The following BICDL1 variants were observed in gnomAD, a reference collection of about 807,000 sequenced individuals.
BICDL1 encodes the protein BICD family-like cargo adapter 1.
In BICDL1, 20 loss-of-function variants were observed where a neutral mutation model predicts 76.8. The observed-to-expected ratio is 0.26, with a 90% confidence interval of 0.18 to 0.38. The LOEUF (loss-of-function observed/expected upper bound fraction) is 0.38. Ranked by LOEUF, BICDL1 falls within the 10% of genes least tolerant of loss-of-function variation. The pLI, the probability that BICDL1 is intolerant of heterozygous loss-of-function variation, is 1.00. For missense variants in BICDL1, 700 were observed against 798.6 expected, an observed-to-expected ratio of 0.88 and a Z score of 1.49; for synonymous variants, 383 against 337.1, an observed-to-expected ratio of 1.14 and a Z score of -1.49.
At chr12:120,010,028 C>T (rs1190186613) in intron 2 of BICDL1, among the ~76,000 whole-genome samples, 1 of 152,154 alleles carries the variant, frequency 6.6e-6, no homozygotes, top group Non-Finnish European at 1.5e-5. Flanking sequence ...TGTAACACTC[C>T]AAAGAACCAT....
intron 1 of BICDL1, among the ~76,000 whole-genome samples, chr12:119,992,216 T>A (rs1350077954): frequency 6.6e-6 from 1 of 152,192 alleles, no homozygotes; most frequent in Non-Finnish European, 1.5e-5. Context: ...ACTAAGAGAG[T>A]ACCATTAGTT....
chr12:120,078,984 T>C (rs1299651823), intron 7 of BICDL1, among the ~76,000 whole-genome samples: 1 of 152,226 alleles, frequency 6.6e-6, no homozygotes, highest in Non-Finnish European at 1.5e-5. Flanking sequence ...AGGGGGAGGC[T>C]GGGCTCTGCC....
intron 2 of BICDL1, among the ~76,000 whole-genome samples, 196 bp downstream of exon 2, chr12:119,998,932 C>T (rs1256490147): frequency 6.6e-6 from 1 of 151,940 alleles, no homozygotes; most frequent in Non-Finnish European, 1.5e-5. Context: ...TGGCACCTGC[C>T]TGTGGTCCCA....
chr12:120,027,827 A>G (rs1486477912), intron 2 of BICDL1, among the ~76,000 whole-genome samples: 1 of 152,234 alleles, frequency 6.6e-6, no homozygotes, highest in Non-Finnish European at 1.5e-5. Flanking sequence ...GACAGAGGCT[A>G]ACATCACTTA....
In BICDL1 at chr12:120,074,565, G is replaced by C; in HGVS notation, c.1431G>C (p.Glu477Asp). The C allele has an allele frequency of 8.0e-7, 1 of 1,247,700 alleles. No homozygotes were observed. Among genetic ancestry groups the C allele is most frequent in the Non-Finnish European group, 1.0e-6 (1 of 967,640 alleles). 77.3% of individuals were successfully genotyped at this position (1,247,700 alleles called of 1,614,324 possible). A position where few individuals can be genotyped will look rare whatever the true frequency, so the allele number is the denominator to read the frequency against. ...ERGKLRQSLE[E>D]LQRLHSQVTL... ...GTAAACTGAGGCAAAGCCTAGAAGAGCTGCAGCGACTCCACAGTCAGGTGA... is the reference window on the plus strand; with the variant it reads ...GTAAACTGAGGCAAAGCCTAGAAGACCTGCAGCGACTCCACAGTCAGGTGA... The change falls in exon 7 of 10, where the codon GAG (glutamate) becomes GAC (aspartate). Residue 477 changes from glutamate (E) to aspartate (D), a missense_variant. Physicochemically the swap from Glu to Asp is conservative, Grantham distance 45. Coordinates refer to ENST00000548673, the MANE Select transcript of BICDL1 (RefSeq NM_001367886.1).
At position 120,089,390 on chromosome 12, in the gene BICDL1, G is replaced by GGT. The variant is rs943341665; in HGVS notation, c.1584-547_1584-546dup. On this transcript the variant is annotated intron_variant, in intron 8 of 9. Coordinates refer to ENST00000548673, the MANE Select transcript of BICDL1 (RefSeq NM_001367886.1). Reference sequence around the variant, plus strand: ...GCTCTTTCAACGTGTGTGTGTGTGTGGTGTGTGTGTGTGTGACGGAGTTCT... The same window carrying GGT: ...GCTCTTTCAACGTGTGTGTGTGTGTGGTGTGTGTGTGTGTGTGACGGAGTTCT... Among the ~76,000 whole-genome samples, 58 of 148,816 alleles carry GGT rather than the reference G, an allele frequency of 3.9e-4. 1 individual carries two copies. Among genetic ancestry groups the GGT allele is most frequent in the South Asian group, 1.1e-3 (5 of 4,722 alleles).
At chr12:120,048,587 A>G (rs1227471030) in intron 2 of BICDL1, among the ~76,000 whole-genome samples, 5 of 151,886 alleles carry the variant, frequency 3.3e-5, no homozygotes, top group African/African-American at 4.8e-5. Flanking sequence ...TTTTTTCCCT[A>G]TCTCATTTGG....
rs945536498 is a variant in BICDL1, at chr12:120,065,480, G to A, written c.909+601G>A. The stretch of plus-strand genomic sequence containing the variant: ...ATTTGGGAACTGCTACCGGGCCTCA[G>A]CTGAATCCCCAAGCTCACACTTGAC... On this transcript the variant is annotated intron_variant, in intron 4 of 9. Transcript: ENST00000548673. 5.3e-5 allele frequency among the ~76,000 whole-genome samples: 8 copies of A among 152,286 alleles called. No individual in the cohort carries two copies. In the South Asian group the frequency reaches 1.5e-3, roughly 28 times the overall value.
Position 120,024,668 on chromosome 12 carries a change from A to G in BICDL1, c.645+25932A>G, listed in dbSNP as rs144304609. ...TCAGTATGTACTCTCAAATATAATA[A>G]TTTATTTAAATCCTCTTTCTTTCTT... On this transcript the variant is annotated intron_variant, in intron 2 of 9. Coordinates refer to ENST00000548673, the MANE Select transcript of BICDL1 (RefSeq NM_001367886.1). 3.7e-3 allele frequency among the ~76,000 whole-genome samples: 557 copies of G among 149,862 alleles called. 7 individuals carry two copies. The highest frequency in any genetic ancestry group is 0.013 in the African/African-American group (507 of 40,432).
chr12:119,989,772 G>T lies in BICDL1; in HGVS notation c.-97G>T. ...GGGCGCGTGCCGCGGCGCGAGGCGA[G>T]GCGCGGGACGCGGGGCGGCGCGGCA... On this transcript the variant is annotated 5_prime_UTR_variant, in exon 1 of 10. In the 5' UTR this introduces an upstream ATG that the reference lacks. Transcript: ENST00000548673. 2.1e-6 allele frequency: 1 copy of T among 465,200 alleles called. No individual in the cohort carries two copies. Among genetic ancestry groups the T allele is most frequent in the Non-Finnish European group, 2.8e-6 (1 of 358,878 alleles). 28.8% of individuals were successfully genotyped at this position (465,200 alleles called of 1,614,324 possible).
intron 1 of BICDL1, among the ~76,000 whole-genome samples, chr12:119,997,266 C>T (rs11064988): frequency 0.13 from 20,100 of 152,130 alleles, 1,657 homozygotes; most frequent in East Asian, 0.41. Context: ...GTTTTTATTT[C>T]CCTCAATCCA....
At chr12:120,000,724 A>G (rs946448432) in intron 2 of BICDL1, among the ~76,000 whole-genome samples, 13 of 152,348 alleles carry the variant, frequency 8.5e-5, no homozygotes, top group Middle Eastern at 3.4e-3. Context: ...TGACATAGCA[A>G]AAGCTCATGG....
At chr12:120,015,028 G>A (rs1952032032) in intron 2 of BICDL1, among the ~76,000 whole-genome samples, 2 of 152,110 alleles carry the variant, frequency 1.3e-5, no homozygotes, top group Admixed American at 6.5e-5. Context: ...TCTTATGAGA[G>A]TCAGGGAAAG....
In BICDL1 at chr12:120,057,006, C is replaced by T. The variant is rs924913512; in HGVS notation, c.646-4704C>T. ...TTGGATAGGAGCCCAGTGGTCCTCT[C>T]GCCCACGCAGGTGGGAATGGTAACA... On this transcript the variant is annotated intron_variant, in intron 2 of 9. Transcript: ENST00000548673. 74 of 495,824 alleles carry T rather than the reference C, an allele frequency of 1.5e-4. 1 individual carries two copies. The highest frequency in any genetic ancestry group is 5.2e-5 in the Non-Finnish European group (13 of 249,072). The allele number at this position is 495,824 out of a possible 1,614,324, so 30.7% of individuals were successfully genotyped here. A position where few individuals can be genotyped will look rare whatever the true frequency, so the allele number is the denominator to read the frequency against.
chr12:120,092,430 G>T, intron 9 of BICDL1: 1 of 985,480 alleles, frequency 1.0e-6, no homozygotes. Flanking sequence ...CTCAGCAGCA[G>T]GGTCTAGGGC....
chr12:120,072,751 G>T (rs1281389119), intron 6 of BICDL1, 22 bp downstream of exon 6: 1 of 1,600,142 alleles, frequency 6.2e-7, no homozygotes, highest in Non-Finnish European at 8.5e-7. Flanking sequence ...GTCTGAGATG[G>T]TCCTTACCCC....
At chr12:120,091,341 G>GGCACA in intron 9 of BICDL1, 1 of 1,001,238 alleles carries the variant, frequency 1.0e-6, no homozygotes, top group Non-Finnish European at 1.2e-6. Flanking sequence ...AGACCTGATT[G>GGCACA]CTTAAAGTTA....
intron 8 of BICDL1, among the ~76,000 whole-genome samples, chr12:120,086,484 G>A (rs1219693945): frequency 6.6e-6 from 1 of 152,208 alleles, no homozygotes; most frequent in Non-Finnish European, 1.5e-5. Context: ...TTGAAATCAC[G>A]GGGTGGGGTC....
chr12:120,037,109 G>C (rs1025763752), intron 2 of BICDL1, among the ~76,000 whole-genome samples: 3 of 152,168 alleles, frequency 2.0e-5, no homozygotes, highest in African/African-American at 7.2e-5. Flanking sequence ...TGTCCTGCTT[G>C]AATGCAGTAC....
Sources: gnomAD v4.1 joint callset for allele counts (sites outside exome capture counted in the v4.1 genomes callset) on GRCh38, gnomAD v4.1.1 for gene constraint, MANE v1.5 for transcripts, NCBI Gene and HGNC (gene_info 2026-07-23, HGNC 2026-07-21) for gene names.